DPF3: variants seen among roughly 807,000 people sequenced by gnomAD.
DPF3 encodes the protein zinc finger protein DPF3.
In DPF3, 18 loss-of-function variants were observed where a neutral mutation model predicts 56.8. That is an observed-to-expected ratio of 0.32 (90% CI 0.22 to 0.47). The LOEUF is 0.47. Ranked by LOEUF, DPF3 falls within the 20% of genes least tolerant of loss-of-function variation. The probability of loss-of-function intolerance (pLI) is 1.00; values close to 1 mark genes in which losing one functional copy is unlikely to be tolerated. For synonymous variants in DPF3, 188 were observed against 180.2 expected (o/e 1.04, Z -0.35); for missense variants, 403 against 488.8 (o/e 0.82, Z 1.65).
At chr14:72,838,201 A>C (rs1884376197) in intron 1 of DPF3, among the ~76,000 whole-genome samples, 1 of 152,208 alleles carries the variant, frequency 6.6e-6, no homozygotes, top group East Asian at 1.9e-4. Context: ...CATTGTTAAA[A>C]CACAGCACCA....
At chr14:72,696,815 G>C (rs1409352456) in intron 6 of DPF3, among the ~76,000 whole-genome samples, 2 of 152,240 alleles carry the variant, frequency 1.3e-5, no homozygotes, top group Non-Finnish European at 2.9e-5. Flanking sequence ...ACCTGTTAGA[G>C]ATGCAAACTC....
chr14:72,872,087 G>A (rs1057454506), intron 1 of DPF3, among the ~76,000 whole-genome samples: 5 of 152,186 alleles, frequency 3.3e-5, no homozygotes, highest in African/African-American at 1.2e-4. Flanking sequence ...AGCTGCCAAC[G>A]CTTGGGGCTT....
intron 2 of DPF3, among the ~76,000 whole-genome samples, chr14:72,768,253 G>A (rs1410777549): frequency 3.9e-5 from 6 of 152,120 alleles, no homozygotes; most frequent in Admixed American, 6.6e-5. Flanking sequence ...TACAATAAAC[G>A]CTTCTCTTAC....
At chr14:72,674,597 G>A (rs191732767) in intron 7 of DPF3, among the ~76,000 whole-genome samples, 1 of 152,322 alleles carries the variant, frequency 6.6e-6, no homozygotes, top group Admixed American at 6.5e-5. Context: ...CCCCAGCTCT[G>A]TGTTGTTGCA....
chr14:72,882,142 C>T (rs1430444618), intron 1 of DPF3, among the ~76,000 whole-genome samples: 1 of 151,948 alleles, frequency 6.6e-6, no homozygotes, highest in Non-Finnish European at 1.5e-5. Context: ...ATCTGAGGGA[C>T]CAGGGAAGGC....
intron 1 of DPF3, among the ~76,000 whole-genome samples, chr14:72,861,754 A>AGAAAGAAG (rs1188160623): frequency 1.2e-4 from 17 of 144,646 alleles, no homozygotes; most frequent in Non-Finnish European, 4.5e-5. Context: ...AAAGAAAGAA[A>AGAAAGAAG]GAAAGAAAGA....
In DPF3 at chr14:72,614,728, T is replaced by A. The variant is rs1883972988; in HGVS notation, c.*4569A>T. On this transcript the variant is annotated 3_prime_UTR_variant, in exon 11 of 11. Coordinates refer to ENST00000556509, the MANE Select transcript of DPF3 (RefSeq NM_001280542.3). ...AGAACTGGGCAGAGGTTTGGCCTTT[T>A]TACAAAATAATAATAATAATAATCT... Among the ~76,000 whole-genome samples, 1 of 131,566 alleles carries A rather than the reference T, an allele frequency of 7.6e-6. No individual in the cohort carries two copies. The highest frequency in any genetic ancestry group is 2.5e-4 in the South Asian group (1 of 4,056). The allele number at this position is 131,566 out of a possible 152,430, so 86.3% of individuals were successfully genotyped here.
chr14:72,762,822 A>G (rs1424302334), intron 2 of DPF3, among the ~76,000 whole-genome samples: 1 of 151,962 alleles, frequency 6.6e-6, no homozygotes, highest in Non-Finnish European at 1.5e-5. Context: ...TTTACTATTC[A>G]GGTTATCTAC....
intron 1 of DPF3, among the ~76,000 whole-genome samples, chr14:72,858,745 C>T (rs7146287): frequency 0.019 from 2,946 of 152,266 alleles, 98 homozygotes; most frequent in African/African-American, 0.068. Flanking sequence ...GTATTTCTGA[C>T]AGCATTCATA....
At chr14:72,699,783 T>A (rs980565243) in intron 6 of DPF3, among the ~76,000 whole-genome samples, 2 of 152,174 alleles carry the variant, frequency 1.3e-5, no homozygotes, top group African/African-American at 4.8e-5. Flanking sequence ...AATAAATTAA[T>A]CAGATGCCTG....
In DPF3 at chr14:72,617,634, G is replaced by C. The variant is rs954252603; in HGVS notation, c.*1663C>G. Reference sequence around the variant, plus strand: ...GCCACAGGTCACTCTGCTGAAGCGTGGGGGAGACCCACACTGCTTGGTTTC... The same window carrying C: ...GCCACAGGTCACTCTGCTGAAGCGTCGGGGAGACCCACACTGCTTGGTTTC... On this transcript the variant is annotated 3_prime_UTR_variant, in exon 11 of 11. Coordinates refer to ENST00000556509, the MANE Select transcript of DPF3 (RefSeq NM_001280542.3). 5.3e-5 allele frequency among the ~76,000 whole-genome samples: 8 copies of C among 152,164 alleles called. No homozygotes were observed. The highest frequency in any genetic ancestry group is 1.4e-4 in the African/African-American group (6 of 41,424).
intron 7 of DPF3, among the ~76,000 whole-genome samples, chr14:72,676,535 A>C (rs1278884427): frequency 6.6e-6 from 1 of 152,208 alleles, no homozygotes; most frequent in Non-Finnish European, 1.5e-5. Flanking sequence ...CCCAAATCTC[A>C]TCTTGAATTG....
chr14:72,719,016 C>T (rs1466842862), intron 5 of DPF3, among the ~76,000 whole-genome samples: 3 of 150,470 alleles, frequency 2.0e-5, no homozygotes, highest in African/African-American at 7.3e-5. Context: ...GTGATCCACC[C>T]GCCTTGGCCT....
intron 7 of DPF3, among the ~76,000 whole-genome samples, chr14:72,691,132 C>T (rs962911908): frequency 6.6e-6 from 1 of 152,058 alleles, no homozygotes; most frequent in African/African-American, 2.4e-5. Flanking sequence ...GGGCAAGGCT[C>T]GGGGGGCACC....
intron 2 of DPF3, among the ~76,000 whole-genome samples, chr14:72,769,546 G>A (rs1002942966): frequency 6.6e-6 from 1 of 152,056 alleles, no homozygotes; most frequent in African/African-American, 2.4e-5. Flanking sequence ...TGGGTGTGGT[G>A]GCATGTGCCT....
intron 1 of DPF3, among the ~76,000 whole-genome samples, chr14:72,815,311 T>G (rs1030141356): frequency 6.6e-6 from 1 of 152,178 alleles, no homozygotes; most frequent in Non-Finnish European, 1.5e-5. Flanking sequence ...TTATAATGGC[T>G]AAAATTTAAA....
chr14:72,809,623 T>C (rs1402744694), intron 1 of DPF3, among the ~76,000 whole-genome samples: 7 of 152,082 alleles, frequency 4.6e-5, no homozygotes, highest in Admixed American at 1.3e-4. Flanking sequence ...CGGCGCCTGG[T>C]GGAAGAGAAA....
chr14:72,759,506 A>G (rs1011731578), intron 2 of DPF3, among the ~76,000 whole-genome samples: 3 of 139,834 alleles, frequency 2.1e-5, no homozygotes, highest in African/African-American at 7.5e-5. Flanking sequence ...CTGTCTCCAC[A>G]AAAGAGAGAG....
chr14:72,783,949 G>A lies in DPF3; in HGVS notation c.33-12056C>T, dbSNP rs554805671. ...AATCAATGGGAACTGAAGGTCATCCGGAGGGCGCAGTCTCCCCATCACGCA... is the reference window on the plus strand; with the variant it reads ...AATCAATGGGAACTGAAGGTCATCCAGAGGGCGCAGTCTCCCCATCACGCA... On this transcript the variant is annotated intron_variant, in intron 1 of 10. Coordinates refer to ENST00000556509, the MANE Select transcript of DPF3 (RefSeq NM_001280542.3). Among the ~76,000 whole-genome samples, 7 of 152,264 alleles carry A rather than the reference G, an allele frequency of 4.6e-5. No individual in the cohort carries two copies. In the South Asian group the frequency reaches 6.2e-4, roughly 14 times the overall value.
Sources: allele counts gnomAD v4.1 joint callset (sites outside exome capture counted in the v4.1 genomes callset), GRCh38; gene constraint gnomAD v4.1.1; transcripts MANE v1.5; gene names NCBI Gene and HGNC (gene_info 2026-07-23, HGNC 2026-07-21).